The following UNC45B variants were observed in gnomAD, a reference collection of about 807,000 sequenced individuals.
UNC45B encodes the protein protein unc-45 homolog B.
A neutral mutation model predicts 98.7 loss-of-function variants in UNC45B; 78 were observed. That is an observed-to-expected ratio of 0.79 (90% confidence interval 0.66 to 0.95). UNC45B has a LOEUF of 0.95. UNC45B is among the 40% of genes least tolerant of loss of function. UNC45B has a pLI of 0.00. For missense variants in UNC45B, 1,225 were observed against 1,184.9 expected, an observed-to-expected ratio of 1.03 and a Z score of -0.50; for synonymous variants, 462 against 480.4, an observed-to-expected ratio of 0.96 and a Z score of 0.50.
At position 35,186,472 on chromosome 17, in the gene UNC45B, A is replaced by G. The variant is rs1567772656; in HGVS notation, c.2703A>G (p.Pro901=). The part of the protein sequence containing the change: ...EILTVVGKQE[P]DEKKAEVVQT... The stretch of plus-strand genomic sequence containing the variant: ...TGACTGTGGTGGGCAAACAGGAGCC[A>G]GATGAGAAGAAGGCAGAAGTGGTTC... Residue 901 remains proline, a synonymous_variant, in exon 20 of 20, where the codon CCA becomes CCG. Transcript: ENST00000394570. 2.5e-6 allele frequency: 4 copies of G among 1,614,236 alleles called. No homozygotes were observed. The highest frequency in any genetic ancestry group is 2.5e-6 in the Non-Finnish European group (3 of 1,180,032).
chr17:35,168,418 G>A lies in UNC45B; in HGVS notation c.1452+57G>A, dbSNP rs2092157685. 3 of 1,287,872 alleles carry A rather than the reference G, an allele frequency of 2.3e-6. No individual in the cohort carries two copies. In the Admixed American group the frequency reaches 9.2e-5, roughly 40 times the overall value. The allele number at this position is 1,287,872 out of a possible 1,614,324, so 79.8% of individuals were successfully genotyped here. ...GTACAAGGTGCCATGCCAGGCACCA[G>A]GGACACCAAAATGAATGAGTTGAGG... is the stretch of plus-strand genomic sequence containing the variant. On this transcript the variant is annotated intron_variant, in intron 10 of 19. Coordinates refer to ENST00000394570, the MANE Select transcript of UNC45B (RefSeq NM_001267052.2).
intron 8 of UNC45B, among the ~76,000 whole-genome samples, chr17:35,161,481 C>A (rs947409884): frequency 6.6e-6 from 1 of 151,864 alleles, no homozygotes; most frequent in African/African-American, 2.4e-5. Flanking sequence ...AAGGGGAGAC[C>A]GGGAGATGAG....
intron 14 of UNC45B, 94 bp downstream of exon 14, chr17:35,174,463 G>C: frequency 1.3e-6 from 2 of 1,527,758 alleles, no homozygotes; most frequent in Non-Finnish European, 1.8e-6. Context: ...AATGGTGGGG[G>C]CCTAAATGAG....
intron 14 of UNC45B, among the ~76,000 whole-genome samples, chr17:35,175,070 A>AGAAG (rs1567765936): frequency 1.7e-5 from 2 of 121,002 alleles, no homozygotes; most frequent in East Asian, 2.3e-4. Flanking sequence ...GAAGAAAGAA[A>AGAAG]GAAAGAAAGA....
At chr17:35,149,669 C>A (rs568438706) in intron 3 of UNC45B, among the ~76,000 whole-genome samples, 157 of 152,292 alleles carry the variant, frequency 1.0e-3, no homozygotes, top group Non-Finnish European at 1.7e-3. Flanking sequence ...CCTACCTTGG[C>A]CTCCCAAAGT....
At chr17:35,155,877 T>C (rs2092057475) in intron 7 of UNC45B, among the ~76,000 whole-genome samples, 3 of 152,202 alleles carry the variant, frequency 2.0e-5, no homozygotes, top group Non-Finnish European at 1.5e-5. Context: ...GCCTGTTATA[T>C]GTATTTTCTG....
At chr17:35,151,098 G>A (rs1253100547) in intron 4 of UNC45B, 6 of 191,958 alleles carry the variant, frequency 3.1e-5, no homozygotes, top group South Asian at 6.8e-5. Context: ...GTATTTTTCC[G>A]TACGCCACAT....
At chr17:35,156,496 C>T in intron 7 of UNC45B, among the ~76,000 whole-genome samples, 1 of 152,110 alleles carries the variant, frequency 6.6e-6, no homozygotes, top group Non-Finnish European at 1.5e-5. Context: ...CATGGTGGCG[C>T]ATGCCTGTAA....
At chr17:35,162,032 C>T (rs979354254) in intron 8 of UNC45B, among the ~76,000 whole-genome samples, 2 of 152,220 alleles carry the variant, frequency 1.3e-5, no homozygotes, top group Non-Finnish European at 2.9e-5. Flanking sequence ...CAATACCTTG[C>T]CCTCTGCATC....
chr17:35,170,098 C>T lies in UNC45B; in HGVS notation c.1548-16C>T, dbSNP rs935873870. The stretch of plus-strand genomic sequence containing the variant: ...CCCTGGGCCCCTTCCCATGTGTGCT[C>T]CCTCCTCACTTCCAGGTGGCTGTGC... On this transcript the variant is annotated splice_polypyrimidine_tract_variant and intron_variant, in intron 11 of 19. Coordinates refer to ENST00000394570, the MANE Select transcript of UNC45B (RefSeq NM_001267052.2). 3 of 1,604,958 alleles carry T rather than the reference C, an allele frequency of 1.9e-6. No individual in the cohort carries two copies. The highest frequency in any genetic ancestry group is 1.7e-6 in the Non-Finnish European group (2 of 1,173,672).
intron 17 of UNC45B, among the ~76,000 whole-genome samples, chr17:35,178,470 T>G (rs1354631307): frequency 2.0e-4 from 30 of 152,262 alleles, no homozygotes; most frequent in Non-Finnish European, 7.3e-5. Context: ...TGCAAAAATT[T>G]TCTCCCATTC....
chr17:35,148,484 C>A, intron 2 of UNC45B, 53 bp downstream of exon 2: 1 of 1,571,800 alleles, frequency 6.4e-7, no homozygotes, highest in Non-Finnish European at 8.6e-7. Flanking sequence ...GGCTTTGGGG[C>A]TGAGTGGCAG....
Position 35,155,450 on chromosome 17 carries a change from A to T in UNC45B, c.794A>T (p.Glu265Val), listed in dbSNP as rs759581370. Reference sequence around the variant, plus strand: ...AAGCGGGAGCATCGAGGGAAGGAGGAGGCCCTGGTTCTAGGTAGGAAACAT... The same window carrying T: ...AAGCGGGAGCATCGAGGGAAGGAGGTGGCCCTGGTTCTAGGTAGGAAACAT... ...EDKREHRGKE[E>V]ALVLDTKKDL... is the part of the protein sequence containing the mutation. Residue 265 changes from glutamate to valine, a missense_variant, in exon 7 of 20, where the codon GAG becomes GTG. Physicochemically the swap from Glu to Val is moderately radical, Grantham distance 121 (BLOSUM62 -2). Transcript: ENST00000394570. The T allele has an allele frequency of 6.2e-6, 10 of 1,614,036 alleles. No homozygotes were observed. The Admixed American group carries it at 1.7e-4, about 27-fold the overall frequency.
chr17:35,173,814 A>ATTTTT (rs34777618), intron 13 of UNC45B, among the ~76,000 whole-genome samples: 397 of 136,634 alleles, frequency 2.9e-3, no homozygotes, highest in South Asian at 8.7e-3. Flanking sequence ...TAGGCCATGG[A>ATTTTT]TTTTTTTTTT....
chr17:35,173,784 C>T (rs1168285339), intron 13 of UNC45B, among the ~76,000 whole-genome samples: 4 of 151,294 alleles, frequency 2.6e-5, no homozygotes, highest in Admixed American at 6.6e-5. Flanking sequence ...TAAGGTCCCA[C>T]GTTCACAGGT....
chr17:35,177,013 G>T lies in UNC45B; in HGVS notation c.2026-4G>T. On this transcript the variant is annotated splice_polypyrimidine_tract_variant and splice_region_variant and intron_variant, in intron 15 of 19. Transcript: ENST00000394570. ...CTAAGTAGTGACCTTGCCCTTTCTT[G>T]CAGGCCCTGATTCCCCTGGCTTTGG... The T allele has an allele frequency of 6.2e-7, 1 of 1,613,148 alleles. No homozygotes were observed. The highest frequency in any genetic ancestry group is 8.5e-7 in the Non-Finnish European group (1 of 1,179,206).
rs758464840 is a variant in UNC45B at position 35,170,143 on chromosome 17, G to A, written c.1577G>A (p.Arg526Gln). 8 of 1,613,132 alleles carry A rather than the reference G, an allele frequency of 5.0e-6. No individual in the cohort carries two copies. Among genetic ancestry groups the A allele is most frequent in the East Asian group, 2.2e-5 (1 of 44,882 alleles). Residue 526 changes from arginine (R) to glutamine (Q), a missense_variant, in exon 12 of 20, where the codon CGG (arginine) becomes CAG (glutamine). By Grantham distance (43) the Arg-to-Gln change is conservative. Coordinates refer to ENST00000394570, the MANE Select transcript of UNC45B (RefSeq NM_001267052.2). ...CTGTGCAATATGTCCATAGACACTC[G>A]GACCCGACGCTGGGCAGTGGAGGGC... is the stretch of plus-strand genomic sequence containing the variant. ...KWLCNMSIDT[R>Q]TRRWAVEGLA... is the part of the protein sequence containing the mutation.
rs367762890 is a variant in UNC45B at position 35,150,160 on chromosome 17, C to G, written c.318C>G (p.Leu106=). The change falls in exon 4 of 20, where the codon CTC becomes CTG. Residue 106 remains leucine, a synonymous_variant. Coordinates refer to ENST00000394570, the MANE Select transcript of UNC45B (RefSeq NM_001267052.2). ...AAGACGTGCAGCGTTGTGCCACCCT[C>G]GAGCCACGGAACCAGAACTTCCAGG... ...AFKDVQRCAT[L]EPRNQNFQEM... 2 of 1,613,732 alleles carry G rather than the reference C, an allele frequency of 1.2e-6. No individual in the cohort carries two copies. The highest frequency in any genetic ancestry group is 1.1e-5 in the South Asian group (1 of 91,004).
chr17:35,181,658 G>C (rs549885082), intron 18 of UNC45B, among the ~76,000 whole-genome samples: 77 of 152,078 alleles, frequency 5.1e-4, no homozygotes, highest in Non-Finnish European at 9.7e-4. Context: ...AGGCATGGTG[G>C]TGGGTGCTTG....
Sources: gnomAD v4.1 joint callset for allele counts (sites outside exome capture counted in the v4.1 genomes callset) on GRCh38, gnomAD v4.1.1 for gene constraint, MANE v1.5 for transcripts, NCBI Gene and HGNC (gene_info 2026-07-23, HGNC 2026-07-21) for gene names.